TYW1B: variants seen among roughly 807,000 people sequenced by gnomAD.
TYW1B encodes S-adenosyl-L-methionine-dependent tRNA 4-demethylwyosine synthase TYW1B.
TYW1B carries 73 observed loss-of-function variants against 86.9 expected under a neutral mutation model. The observed-to-expected ratio is 0.84, with a 90% CI of 0.70 to 1.02. The LOEUF (loss-of-function observed/expected upper bound fraction) is 1.02, where lower values mean the gene tolerates loss of function less well. Ranked by LOEUF, TYW1B falls within the 50% of genes least tolerant of loss-of-function variation. The probability of loss-of-function intolerance (pLI) is 0.00; values close to 1 mark genes in which losing one functional copy is unlikely to be tolerated. For synonymous variants in TYW1B, 248 were observed against 292.8 expected (o/e 0.85, Z 1.56); for missense variants, 637 against 827.4 (o/e 0.77, Z 2.82).
At position 72,826,869 on chromosome 7, in the gene TYW1B, C is replaced by G. The variant is rs1364128010; in HGVS notation, c.121G>C (p.Val41Leu). 1 of 1,612,368 alleles carries G rather than the reference C, an allele frequency of 6.2e-7. No homozygotes were observed. Among genetic ancestry groups the G allele is most frequent in the Non-Finnish European group, 8.5e-7 (1 of 1,179,694 alleles). Reference sequence around the variant, plus strand: ...ACTCCACTTACCTGCATCTCGATGACAATCTGGACACAAATCCAAAGGCTA... The same window carrying G: ...ACTCCACTTACCTGCATCTCGATGAGAATCTGGACACAAATCCAAAGGCTA... Reference protein sequence around the residue: ...SISLWICVQIVIEMQGFATVL... With the variant: ...SISLWICVQILIEMQGFATVL... The change falls in exon 2 of 14, where the codon GTC (valine) becomes CTC (leucine). Residue 41 changes from valine (V) to leucine (L), a missense_variant. Physicochemically the swap from Val to Leu is conservative, Grantham distance 32. Transcript: ENST00000620995.
At position 72,740,003 on chromosome 7, in the gene TYW1B, G is replaced by A. The variant is rs571484405; in HGVS notation, c.1082+4481C>T. Among the ~76,000 whole-genome samples, 150 of 148,882 alleles carry A rather than the reference G, an allele frequency of 1.0e-3. 1 individual carries two copies. The highest frequency in any genetic ancestry group is 3.1e-3 in the African/African-American group (126 of 40,518). ...TCCCGGCACTTTGGAAGGCCAAGGCGGGTGGATCACTTGAGGCCAGGAGTT... is the reference window on the plus strand; with the variant it reads ...TCCCGGCACTTTGGAAGGCCAAGGCAGGTGGATCACTTGAGGCCAGGAGTT... On this transcript the variant is annotated intron_variant, in intron 8 of 13. Transcript: ENST00000620995.
At chr7:72,586,984 G>A (rs571788145) in intron 13 of TYW1B, among the ~76,000 whole-genome samples, 20 of 152,002 alleles carry the variant, frequency 1.3e-4, no homozygotes, top group Non-Finnish European at 1.6e-4. Flanking sequence ...AATGCAAAAC[G>A]AATCATTCAT....
intron 9 of TYW1B, among the ~76,000 whole-genome samples, chr7:72,719,371 C>T (rs1212228853): frequency 6.6e-6 from 1 of 151,872 alleles, no homozygotes; most frequent in Non-Finnish European, 1.5e-5. Flanking sequence ...TGGCTCACGC[C>T]TGTAATCTCA....
At chr7:72,619,837 G>A (rs1201688326) in intron 12 of TYW1B, among the ~76,000 whole-genome samples, 5 of 152,036 alleles carry the variant, frequency 3.3e-5, no homozygotes, top group Non-Finnish European at 5.9e-5. Context: ...CTACTTCAAA[G>A]GACTTTCTTT....
intron 11 of TYW1B, among the ~76,000 whole-genome samples, chr7:72,634,149 T>C (rs1399248102): frequency 6.6e-6 from 1 of 152,008 alleles, no homozygotes; most frequent in Non-Finnish European, 1.5e-5. Flanking sequence ...AGTGCTACTG[T>C]ACTCATCTCT....
In TYW1B at chr7:72,728,852, T is replaced by C. The variant is rs782645473; in HGVS notation, c.1162A>G (p.Asn388Asp). 16 of 1,613,744 alleles carry C rather than the reference T, an allele frequency of 9.9e-6. No individual in the cohort carries two copies. In the Admixed American group the frequency reaches 2.7e-4, roughly 27 times the overall value. ...AACTGCTTAATCATGTTCTGATGGT[T>C]TTCAATGGCTTCCTTCAAGATCATT... ...PEMILKEAIE[N>D]HQNMIKQFKG... The change falls in exon 9 of 14, where the codon AAC becomes GAC. Residue 388 changes from asparagine to aspartate, a missense_variant. Asn to Asp is a conservative substitution (Grantham distance 23). Coordinates refer to ENST00000620995, the MANE Select transcript of TYW1B (RefSeq NM_001145440.3).
Position 72,780,527 on chromosome 7 carries a change from T to C in TYW1B, c.847-2994A>G, listed in dbSNP as rs149538697. On this transcript the variant is annotated intron_variant, in intron 6 of 13. Coordinates refer to ENST00000620995, the MANE Select transcript of TYW1B (RefSeq NM_001145440.3). Reference sequence around the variant, plus strand: ...GTCCATGACACTGGCCTCTGACCACTATGCCCAAAGCTCCACAGACACCCT... The same window carrying C: ...GTCCATGACACTGGCCTCTGACCACCATGCCCAAAGCTCCACAGACACCCT... Among the ~76,000 whole-genome samples the C allele has an allele frequency of 4.2e-3, 632 of 152,272 alleles. 3 individuals carry two copies. Among genetic ancestry groups the C allele is most frequent in the African/African-American group, 0.014 (599 of 41,552 alleles).
intron 10 of TYW1B, among the ~76,000 whole-genome samples, chr7:72,696,367 A>T (rs182488462): frequency 6.6e-6 from 1 of 152,266 alleles, no homozygotes; most frequent in East Asian, 1.9e-4. Flanking sequence ...CTTCTGATCA[A>T]ATTCTCCCAA....
chr7:72,745,056 GCT>G (rs1787371799), intron 7 of TYW1B, among the ~76,000 whole-genome samples: 1 of 152,164 alleles, frequency 6.6e-6, no homozygotes, highest in Non-Finnish European at 1.5e-5. Context: ...ACAGGGTCTT[GCT>G]CTGTTCCTCA....
intron 13 of TYW1B, among the ~76,000 whole-genome samples, chr7:72,603,026 T>C (rs1554434087): frequency 1.3e-5 from 2 of 152,086 alleles, no homozygotes; most frequent in Non-Finnish European, 1.5e-5. Flanking sequence ...TATTCATGCA[T>C]TCACACTGAT....
chr7:72,745,740 T>A (rs1303852822), intron 7 of TYW1B, among the ~76,000 whole-genome samples: 1 of 151,704 alleles, frequency 6.6e-6, no homozygotes, highest in Non-Finnish European at 1.5e-5. Context: ...TCATCCAAAA[T>A]AACTGATTTT....
intron 9 of TYW1B, among the ~76,000 whole-genome samples, chr7:72,720,713 G>A (rs1208286350): frequency 6.6e-6 from 1 of 151,992 alleles, no homozygotes; most frequent in East Asian, 1.9e-4. Flanking sequence ...CTGGCCTCAA[G>A]GAAATATGAC....
intron 6 of TYW1B, among the ~76,000 whole-genome samples, chr7:72,783,323 A>C (rs1788078454): frequency 6.7e-6 from 1 of 149,400 alleles, no homozygotes; most frequent in African/African-American, 2.5e-5. Flanking sequence ...ACTTGAACCT[A>C]GCAGGCGGAG....
At chr7:72,697,180 C>A (rs1814341954) in intron 10 of TYW1B, among the ~76,000 whole-genome samples, 4 of 151,966 alleles carry the variant, frequency 2.6e-5, no homozygotes, top group Admixed American at 2.6e-4. Context: ...TCCATAACTA[C>A]TTAAGATTAT....
At chr7:72,800,198 A>G (rs760731307) in intron 6 of TYW1B, among the ~76,000 whole-genome samples, 1 of 149,830 alleles carries the variant, frequency 6.7e-6, no homozygotes, top group South Asian at 2.1e-4. Context: ...GATGTTTCAC[A>G]TCTTTTTTTT....
chr7:72,812,618 G>A (rs1788641545), intron 3 of TYW1B, among the ~76,000 whole-genome samples: 1 of 151,844 alleles, frequency 6.6e-6, no homozygotes, highest in African/African-American at 2.4e-5. Flanking sequence ...GAAATGGACA[G>A]AGTTAAAGCT....
intron 8 of TYW1B, among the ~76,000 whole-genome samples, chr7:72,731,542 T>A (rs1563075097): frequency 6.6e-6 from 1 of 151,258 alleles, no homozygotes; most frequent in Non-Finnish European, 1.5e-5. Context: ...TGAATGAATT[T>A]AAAAAAAAAC....
intron 10 of TYW1B, among the ~76,000 whole-genome samples, chr7:72,707,217 CT>C (rs1310544705): frequency 6.6e-6 from 1 of 152,264 alleles, no homozygotes; most frequent in Non-Finnish European, 1.5e-5. Flanking sequence ...CAAGCAAAGG[CT>C]TGAAAGATGC....
intron 10 of TYW1B, among the ~76,000 whole-genome samples, chr7:72,707,829 G>A (rs1317700236): frequency 2.0e-5 from 3 of 152,190 alleles, no homozygotes; most frequent in African/African-American, 7.2e-5. Context: ...GTTGGAGGAG[G>A]GGCCTGGTGG....
Sources: allele counts gnomAD v4.1 joint callset (sites outside exome capture counted in the v4.1 genomes callset), GRCh38; gene constraint gnomAD v4.1.1; transcripts MANE v1.5; gene names NCBI Gene and HGNC (gene_info 2026-07-23, HGNC 2026-07-21).